Variants in SHANK2 observed in about 807,000 individuals in gnomAD.
SHANK2 encodes SH3 and multiple ankyrin repeat domains 2.
SHANK2 carries 43 observed loss-of-function variants against 133.7 expected under a neutral mutation model. The ratio of observed to expected loss-of-function variants is 0.32; its 90% CI spans 0.25 to 0.41. The LOEUF (loss-of-function observed/expected upper bound fraction) is 0.41. SHANK2 is among the 10% of genes least tolerant of loss of function. The pLI, the probability that SHANK2 is intolerant of heterozygous loss-of-function variation, is 1.00. For missense variants in SHANK2, 1,994 were observed against 2,235.8 expected, an observed-to-expected ratio of 0.89 and a Z score of 2.18; for synonymous variants, 1,017 against 952.8, an observed-to-expected ratio of 1.07 and a Z score of -1.24.
At position 70,492,426 on chromosome 11, in the gene SHANK2, C is replaced by G; in HGVS notation, c.2348G>C (p.Arg783Pro). Residue 783 changes from arginine to proline, a missense_variant, in exon 22 of 26, where the codon CGC (arginine) becomes CCC (proline). By Grantham distance (103) the Arg-to-Pro change is moderately radical. This residue lies in a region of SHANK2 where 488 missense variants were observed against 642.6 expected (regional missense o/e 0.76). Transcript: ENST00000601538. The part of the protein sequence containing the change: ...EEIVPASKPS[R>P]AAENMAVEPR... ...TTCCACAGCCATGTTCTCAGCAGCG[C>G]GGGAGGGCTTGGAGGCCGGGACTAT... 6.2e-7 allele frequency: 1 copy of G among 1,613,910 alleles called. No homozygotes were observed. Among genetic ancestry groups the G allele is most frequent in the Non-Finnish European group, 8.5e-7 (1 of 1,180,030 alleles).
intron 6 of SHANK2, among the ~76,000 whole-genome samples, chr11:71,106,776 G>T (rs1565454658): frequency 6.6e-6 from 1 of 151,884 alleles, no homozygotes; most frequent in Non-Finnish European, 1.5e-5. Context: ...CTGTGATCCT[G>T]CCAGCCTGGG....
intron 11 of SHANK2, among the ~76,000 whole-genome samples, chr11:70,822,291 G>A (rs1555056113): frequency 6.6e-6 from 1 of 152,246 alleles, no homozygotes; most frequent in Admixed American, 6.5e-5. Flanking sequence ...AAACTGCAAG[G>A]CAAGAGAAAA....
At chr11:71,216,649 G>A (rs1314044564) in intron 2 of SHANK2, among the ~76,000 whole-genome samples, 2 of 152,126 alleles carry the variant, frequency 1.3e-5, no homozygotes, top group East Asian at 3.9e-4. Context: ...ATGCAATGGC[G>A]GTCCCATAAG....
At chr11:70,598,636 C>G (rs535829888) in intron 17 of SHANK2, among the ~76,000 whole-genome samples, 1 of 152,310 alleles carries the variant, frequency 6.6e-6, no homozygotes, top group East Asian at 1.9e-4. Flanking sequence ...ACAGACAAAT[C>G]TCACTCATGA....
chr11:70,773,947 C>G (rs548676011), intron 14 of SHANK2, among the ~76,000 whole-genome samples: 3 of 152,250 alleles, frequency 2.0e-5, no homozygotes, highest in Admixed American at 2.0e-4. Flanking sequence ...ACCTACAGTT[C>G]CCTTGTGACC....
intron 17 of SHANK2, among the ~76,000 whole-genome samples, chr11:70,530,224 G>A (rs560569059): frequency 5.3e-5 from 8 of 152,290 alleles, no homozygotes; most frequent in South Asian, 2.1e-4. Context: ...TTACTCAGCC[G>A]TGAAAAGGAG....
At chr11:70,809,784 C>T (rs1392173036) in intron 12 of SHANK2, among the ~76,000 whole-genome samples, 3 of 152,172 alleles carry the variant, frequency 2.0e-5, no homozygotes, top group African/African-American at 4.8e-5. Flanking sequence ...AACAGGTGGG[C>T]GTCTTGGATG....
chr11:71,248,303 G>A (rs1056928049), intron 1 of SHANK2, among the ~76,000 whole-genome samples: 2 of 152,256 alleles, frequency 1.3e-5, no homozygotes, highest in Non-Finnish European at 2.9e-5. Context: ...GGCACATCAA[G>A]AAGTATGATG....
chr11:70,685,898 C>T (rs1945137351), intron 15 of SHANK2, among the ~76,000 whole-genome samples: 1 of 152,060 alleles, frequency 6.6e-6, no homozygotes, highest in African/African-American at 2.4e-5. Context: ...AACTTTGGTC[C>T]CCACCCTTAC....
At chr11:70,732,949 G>A (rs958199019) in intron 14 of SHANK2, among the ~76,000 whole-genome samples, 10 of 152,242 alleles carry the variant, frequency 6.6e-5, no homozygotes, top group African/African-American at 2.2e-4. Context: ...CAGCCCGCGC[G>A]AATAGTGCTC....
At chr11:71,213,180 C>T (rs1954320821) in intron 2 of SHANK2, among the ~76,000 whole-genome samples, 1 of 152,030 alleles carries the variant, frequency 6.6e-6, no homozygotes, top group South Asian at 2.1e-4. Context: ...GGAGAATCTT[C>T]CCGGGACAGC....
chr11:70,746,079 G>C (rs525258), intron 14 of SHANK2, among the ~76,000 whole-genome samples: 12 of 152,030 alleles, frequency 7.9e-5, no homozygotes, highest in Non-Finnish European at 1.8e-4. Context: ...GTGCTGACCC[G>C]AGACAGGGCT....
intron 9 of SHANK2, among the ~76,000 whole-genome samples, chr11:71,070,599 G>C (rs1479786912): frequency 2.0e-5 from 3 of 152,208 alleles, no homozygotes; most frequent in Non-Finnish European, 2.9e-5. Context: ...TAAGACAAAT[G>C]GGGGAGAGGA....
Position 70,486,013 on chromosome 11 carries a change from C to G in SHANK2, c.4280G>C (p.Arg1427Pro), listed in dbSNP as rs782253326. Residue 1427 changes from arginine to proline, a missense_variant, in exon 25 of 26, where the codon CGG becomes CCG. By Grantham distance (103) the Arg-to-Pro change is moderately radical. Transcript: ENST00000601538. The surrounding 1 kb of genome is among the most constrained non-coding windows in gnomAD (Gnocchi z 8.0). Reference protein sequence around the residue: ...FANSFDIPDDRAASVPALSDL... With the variant: ...FANSFDIPDDPAASVPALSDL... The stretch of plus-strand genomic sequence containing the variant: ...TGAGAGAGCCGGGACAGAAGCTGCC[C>G]GGTCATCGGGGATATCAAAACTATT... The G allele has an allele frequency of 8.1e-6, 13 of 1,613,910 alleles. No homozygotes were observed. The highest frequency in any genetic ancestry group is 4.0e-5 in the African/African-American group (3 of 74,890).
intron 14 of SHANK2, among the ~76,000 whole-genome samples, chr11:70,699,298 C>T (rs531831888): frequency 1.3e-5 from 2 of 150,602 alleles, no homozygotes; most frequent in South Asian, 4.2e-4. Flanking sequence ...TAATTAAGTC[C>T]TCTGCTTGCT....
chr11:71,153,023 C>A (rs148043600), intron 2 of SHANK2, among the ~76,000 whole-genome samples: 1 of 152,212 alleles, frequency 6.6e-6, no homozygotes. Context: ...CTAAAAAACT[C>A]TCTGCTGTTC....
In SHANK2 at chr11:70,695,785, G is replaced by A. The variant is rs536021711; in HGVS notation, c.1853+2903C>T. On this transcript the variant is annotated intron_variant, in intron 15 of 25. Coordinates refer to ENST00000601538, the MANE Select transcript of SHANK2 (RefSeq NM_012309.5). ...CTGTGCTCCATGCAGGGTGGGTGGC[G>A]CACGGGAGGAGTGGATAAGCAGGGC... Among the ~76,000 whole-genome samples the A allele has an allele frequency of 5.9e-5, 9 of 152,334 alleles. No individual in the cohort carries two copies. In the South Asian group the frequency reaches 6.2e-4, roughly 11 times the overall value.
chr11:70,502,657 C>T (rs2059072553), intron 18 of SHANK2, 139 bp downstream of exon 18: 3 of 1,020,302 alleles, frequency 2.9e-6, no homozygotes, highest in Non-Finnish European at 4.3e-6. Context: ...TAAATTCCAG[C>T]CTCACCCCTG....
chr11:70,507,618 C>A (rs541027623), intron 17 of SHANK2, among the ~76,000 whole-genome samples: 4 of 152,160 alleles, frequency 2.6e-5, no homozygotes, highest in African/African-American at 4.8e-5. Context: ...TCCCGTCTGT[C>A]ACCACTCCGC....
Sources: gnomAD v4.1 joint callset for allele counts (sites outside exome capture counted in the v4.1 genomes callset) on GRCh38, gnomAD v4.1.1 for gene constraint, gnomAD v4.1.1 regional missense constraint, Gnocchi (gnomAD v3.1) non-coding constraint, MANE v1.5 for transcripts, NCBI Gene and HGNC (gene_info 2026-07-23, HGNC 2026-07-21) for gene names.